The following ASCC3 variants were observed in gnomAD, a reference collection of about 807,000 sequenced individuals.
The protein encoded by ASCC3 is activating signal cointegrator 1 complex subunit 3.
ASCC3 carries 158 observed loss-of-function variants against 256.3 expected under a neutral mutation model. That is an observed-to-expected ratio of 0.62 (90% CI 0.54 to 0.70). The LOEUF (loss-of-function observed/expected upper bound fraction) is 0.70. ASCC3 is among the 30% of genes least tolerant of loss of function. The probability of loss-of-function intolerance (pLI) is 0.00; values close to 1 mark genes in which losing one functional copy is unlikely to be tolerated. For synonymous variants in ASCC3, 948 were observed against 883.4 expected (o/e 1.07, Z -1.30); for missense variants, 2,259 against 2,626.0 (o/e 0.86, Z 3.05).
intron 37 of ASCC3, among the ~76,000 whole-genome samples, chr6:100,524,929 C>T (rs759963447): frequency 4.6e-5 from 7 of 151,510 alleles, no homozygotes; most frequent in Admixed American, 3.9e-4. Context: ...CAGTGGCTCA[C>T]GCCTGTAATC....
At chr6:100,676,734 GTGCGCGCGCGTGCGCGCACACACACA>G (rs1777029462) in intron 14 of ASCC3, among the ~76,000 whole-genome samples, 1 of 135,062 alleles carries the variant, frequency 7.4e-6, no homozygotes, top group Admixed American at 7.9e-5. Context: ...AAATGTATGT[GTGCGCGCGCGTGCGCGCACACACACA>G]CTCACACACA....
intron 8 of ASCC3, among the ~76,000 whole-genome samples, chr6:100,796,512 C>T (rs536092457): frequency 2.0e-5 from 3 of 152,176 alleles, no homozygotes; most frequent in East Asian, 1.9e-4. Flanking sequence ...GAGGTAATTA[C>T]GGTTAAATGA....
intron 36 of ASCC3, among the ~76,000 whole-genome samples, chr6:100,588,884 C>T (rs183187298): frequency 9.9e-5 from 15 of 152,068 alleles, no homozygotes; most frequent in African/African-American, 3.6e-4. Flanking sequence ...CAGAATGGTC[C>T]AATTGTTCTT....
intron 36 of ASCC3, among the ~76,000 whole-genome samples, chr6:100,581,959 C>T (rs1771302986): frequency 6.6e-6 from 1 of 152,114 alleles, no homozygotes; most frequent in African/African-American, 2.4e-5. Flanking sequence ...GTTTTGGTAC[C>T]AGTACCATGC....
chr6:100,611,824 A>G (rs1242362478), intron 30 of ASCC3, among the ~76,000 whole-genome samples: 2 of 151,690 alleles, frequency 1.3e-5, no homozygotes, highest in African/African-American at 4.8e-5. Flanking sequence ...ATGCCTTAGG[A>G]CATTAAGGCT....
chr6:100,541,139 A>T (rs1218048287), intron 36 of ASCC3, among the ~76,000 whole-genome samples: 2 of 152,164 alleles, frequency 1.3e-5, no homozygotes, highest in South Asian at 4.2e-4. Flanking sequence ...TTGTGAAACA[A>T]ACATCATATT....
At chr6:100,853,908 T>C (rs1772813225) in intron 3 of ASCC3, among the ~76,000 whole-genome samples, 1 of 152,176 alleles carries the variant, frequency 6.6e-6, no homozygotes, top group African/African-American at 2.4e-5. Context: ...CCTACAACAT[T>C]AGATACAACA....
chr6:100,585,915 G>T (rs1232078517), intron 36 of ASCC3, among the ~76,000 whole-genome samples: 2 of 152,148 alleles, frequency 1.3e-5, no homozygotes, highest in Non-Finnish European at 2.9e-5. Context: ...AACCGCGAAT[G>T]CTGCTGTCTG....
At chr6:100,617,741 T>G (rs1221088669) in intron 30 of ASCC3, among the ~76,000 whole-genome samples, 1 of 152,232 alleles carries the variant, frequency 6.6e-6, no homozygotes, top group East Asian at 1.9e-4. Context: ...GAACCCTCTC[T>G]TCTACAGTGT....
intron 24 of ASCC3, among the ~76,000 whole-genome samples, chr6:100,642,192 A>C (rs1775157857): frequency 6.6e-6 from 1 of 151,946 alleles, no homozygotes; most frequent in African/African-American, 2.4e-5. Flanking sequence ...TAAAGGGTAG[A>C]TGTTATTTGC....
At position 100,649,599 on chromosome 6, in the gene ASCC3, C is replaced by T. The variant is rs570102656; in HGVS notation, c.3252+939G>A. On this transcript the variant is annotated intron_variant, in intron 20 of 41. Transcript: ENST00000369162. ...TCTTGGTTTGTGTTTGTAAATATTC[C>T]ATGTTTAAAGGACTCCTGAGTACTC... Among the ~76,000 whole-genome samples, 24 of 151,340 alleles carry T rather than the reference C, an allele frequency of 1.6e-4. No homozygotes were observed. In the South Asian group the frequency reaches 4.8e-3, roughly 30 times the overall value.
intron 30 of ASCC3, among the ~76,000 whole-genome samples, chr6:100,614,723 T>A (rs745443370): frequency 1.3e-5 from 2 of 152,132 alleles, no homozygotes; most frequent in African/African-American, 4.8e-5. Context: ...GGCTTAAGGG[T>A]GAGCCCCAGT....
At chr6:100,549,443 T>C (rs1769181031) in intron 36 of ASCC3, among the ~76,000 whole-genome samples, 1 of 152,022 alleles carries the variant, frequency 6.6e-6, no homozygotes, top group South Asian at 2.1e-4. Flanking sequence ...TTTAACCCTG[T>C]GTGTCACCTT....
At chr6:100,701,912 G>A (rs779478933) in intron 13 of ASCC3, among the ~76,000 whole-genome samples, 2 of 152,158 alleles carry the variant, frequency 1.3e-5, no homozygotes, top group Admixed American at 6.5e-5. Flanking sequence ...TATGATGAGG[G>A]ATGAAAGAAG....
chr6:100,880,124 T>C (rs1324188509), intron 1 of ASCC3, among the ~76,000 whole-genome samples: 1 of 152,198 alleles, frequency 6.6e-6, no homozygotes, highest in East Asian at 1.9e-4. Context: ...ATTTCTCATA[T>C]AAATAGGATT....
At chr6:100,703,279 A>T (rs1321036124) in intron 13 of ASCC3, among the ~76,000 whole-genome samples, 2 of 152,112 alleles carry the variant, frequency 1.3e-5, no homozygotes, top group African/African-American at 4.8e-5. Context: ...CACTATATTT[A>T]AACACTGTAC....
chr6:100,682,294 C>T (rs527277044), intron 13 of ASCC3, among the ~76,000 whole-genome samples: 5 of 151,998 alleles, frequency 3.3e-5, no homozygotes, highest in South Asian at 4.2e-4. Context: ...GCCATGAAAA[C>T]GAGAGACAAC....
At chr6:100,523,015 A>T (rs145181102) in intron 37 of ASCC3, among the ~76,000 whole-genome samples, 9 of 148,092 alleles carry the variant, frequency 6.1e-5, no homozygotes, top group African/African-American at 2.3e-4. Context: ...AGATAAACTG[A>T]AACTTTGTGA....
intron 30 of ASCC3, among the ~76,000 whole-genome samples, chr6:100,615,543 T>G (rs1773626109): frequency 6.6e-6 from 1 of 152,172 alleles, no homozygotes; most frequent in Admixed American, 6.5e-5. Flanking sequence ...AAACTACCCT[T>G]TGAGAATTCA....
Sources: allele counts gnomAD v4.1 joint callset (sites outside exome capture counted in the v4.1 genomes callset), GRCh38; gene constraint gnomAD v4.1.1; transcripts MANE v1.5; gene names NCBI Gene and HGNC (gene_info 2026-07-23, HGNC 2026-07-21).